The following DSCAM variants were observed in gnomAD, a reference collection of about 807,000 sequenced individuals.
DSCAM encodes cell adhesion molecule DSCAM.
A neutral mutation model predicts 217.7 loss-of-function variants in DSCAM; 47 were observed. The ratio of observed to expected loss-of-function variants is 0.22; its 90% CI spans 0.17 to 0.28. The LOEUF (loss-of-function observed/expected upper bound fraction) is 0.28, where lower values mean the gene tolerates loss of function less well. Ranked by LOEUF, DSCAM falls within the 10% of genes least tolerant of loss-of-function variation. The pLI is 1.00. For synonymous variants in DSCAM, 1,056 were observed against 1,015.3 expected (o/e 1.04, Z -0.76); for missense variants, 2,080 against 2,618.3 (o/e 0.79, Z 4.49).
intron 8 of DSCAM, among the ~76,000 whole-genome samples, chr21:40,327,120 A>G (rs2074326270): frequency 1.3e-5 from 2 of 152,038 alleles, no homozygotes. Context: ...GTTATTTCTG[A>G]CTTAAAATGT....
intron 32 of DSCAM, among the ~76,000 whole-genome samples, chr21:40,041,547 T>C (rs1286359782): frequency 2.0e-5 from 3 of 152,186 alleles, no homozygotes; most frequent in Non-Finnish European, 4.4e-5. Context: ...TCTTTTCTTT[T>C]AGACAGTAGT....
chr21:40,331,882 C>G (rs2074381303), intron 8 of DSCAM, among the ~76,000 whole-genome samples: 1 of 152,172 alleles, frequency 6.6e-6, no homozygotes. Context: ...GTGATTTTAA[C>G]TACCCTTCTC....
chr21:40,067,520 T>C (rs963067981), intron 27 of DSCAM, among the ~76,000 whole-genome samples: 1 of 152,240 alleles, frequency 6.6e-6, no homozygotes, highest in Non-Finnish European at 1.5e-5. Context: ...GCATTTATTC[T>C]GTCTGCATTA....
At chr21:40,418,367 T>A (rs891635829) in intron 3 of DSCAM, among the ~76,000 whole-genome samples, 1 of 152,224 alleles carries the variant, frequency 6.6e-6, no homozygotes, top group African/African-American at 2.4e-5. Context: ...CCAATAAGTT[T>A]TAATTGAAAT....
At chr21:40,145,899 G>A (rs1184680974) in intron 16 of DSCAM, among the ~76,000 whole-genome samples, 1 of 151,514 alleles carries the variant, frequency 6.6e-6, no homozygotes, top group African/African-American at 2.4e-5. Context: ...AGGGAATAAA[G>A]GTTTTGTAGA....
At chr21:40,390,487 G>A (rs951098554) in intron 3 of DSCAM, among the ~76,000 whole-genome samples, 7 of 152,152 alleles carry the variant, frequency 4.6e-5, no homozygotes, top group African/African-American at 1.7e-4. Context: ...TTCTGATGTG[G>A]CATCCACATT....
intron 3 of DSCAM, among the ~76,000 whole-genome samples, chr21:40,572,025 T>C (rs1175420493): frequency 6.6e-6 from 1 of 152,128 alleles, no homozygotes; most frequent in African/African-American, 2.4e-5. Context: ...AGATCTGAAA[T>C]CTAAAACATT....
chr21:40,685,143 G>C (rs1360707133), intron 3 of DSCAM, among the ~76,000 whole-genome samples: 1 of 152,190 alleles, frequency 6.6e-6, no homozygotes, highest in Non-Finnish European at 1.5e-5. Context: ...GCTTTCTCCA[G>C]CATTTCATGA....
intron 3 of DSCAM, among the ~76,000 whole-genome samples, chr21:40,619,757 G>A (rs552464076): frequency 6.6e-6 from 1 of 151,278 alleles, no homozygotes; most frequent in South Asian, 2.1e-4. Context: ...TGGAAAGATA[G>A]AATTTGAATT....
At chr21:40,269,468 G>T (rs1420802573) in intron 11 of DSCAM, among the ~76,000 whole-genome samples, 2 of 152,206 alleles carry the variant, frequency 1.3e-5, no homozygotes, top group Non-Finnish European at 2.9e-5. Context: ...GATCTGGCCT[G>T]TGGTGGGCTT....
At chr21:40,752,357 C>G (rs1206728597) in intron 1 of DSCAM, among the ~76,000 whole-genome samples, 2 of 152,116 alleles carry the variant, frequency 1.3e-5, no homozygotes. Flanking sequence ...CTCCCTCTGG[C>G]TTGGAATCCA....
intron 30 of DSCAM, among the ~76,000 whole-genome samples, chr21:40,048,763 G>A (rs146153835): frequency 1.8e-4 from 28 of 152,244 alleles, no homozygotes; most frequent in Admixed American, 2.6e-4. Flanking sequence ...GAGAAGAACC[G>A]GCTCCATGGA....
At chr21:40,195,515 C>T (rs1057214973) in intron 11 of DSCAM, among the ~76,000 whole-genome samples, 1 of 152,120 alleles carries the variant, frequency 6.6e-6, no homozygotes, top group Non-Finnish European at 1.5e-5. Flanking sequence ...TGACTCTGAT[C>T]GGTCCTATTT....
intron 32 of DSCAM, among the ~76,000 whole-genome samples, chr21:40,015,972 T>C (rs1170624667): frequency 6.6e-6 from 1 of 152,174 alleles, no homozygotes. Context: ...AAGGGGTATT[T>C]GTGCAGTACA....
intron 3 of DSCAM, among the ~76,000 whole-genome samples, chr21:40,609,284 C>CGTT (rs142730535): frequency 0.024 from 3,672 of 152,254 alleles, 113 homozygotes; most frequent in East Asian, 0.092. Context: ...ACGATTTTGC[C>CGTT]GTTGTTGTTT....
Position 40,416,710 on chromosome 21 carries a change from T to A in DSCAM, c.509-47465A>T, listed in dbSNP as rs1172692206. Among the ~76,000 whole-genome samples, 5 of 152,148 alleles carry A rather than the reference T, an allele frequency of 3.3e-5. No homozygotes were observed. In the South Asian group the frequency reaches 1.0e-3, roughly 32 times the overall value. ...TTATTAAACTAAAAGAAAATAAGGA[T>A]CCTATAATAAAAACTTTAATAAAAT... is the stretch of plus-strand genomic sequence containing the variant. On this transcript the variant is annotated intron_variant, in intron 3 of 32. Coordinates refer to ENST00000400454, the MANE Select transcript of DSCAM (RefSeq NM_001389.5).
chr21:40,036,381 C>A (rs1383207982), intron 32 of DSCAM, among the ~76,000 whole-genome samples: 1 of 147,768 alleles, frequency 6.8e-6, no homozygotes, highest in African/African-American at 2.6e-5. Flanking sequence ...GAGAATACTA[C>A]AAACACCTCT....
chr21:40,135,946 T>A lies in DSCAM; in HGVS notation c.3407-1937A>T, dbSNP rs73904705. On this transcript the variant is annotated intron_variant, in intron 18 of 32. Coordinates refer to ENST00000400454, the MANE Select transcript of DSCAM (RefSeq NM_001389.5). ...CAAGAAGAGGGGTAAAGGGGCTCCA[T>A]GTGGCTCCCACAGTCCAGGCCCCAG... Among the ~76,000 whole-genome samples, 1,427 of 152,350 alleles carry A rather than the reference T, an allele frequency of 9.4e-3. 21 individuals carry two copies. The highest frequency in any genetic ancestry group is 0.033 in the African/African-American group (1,370 of 41,578).
At chr21:40,807,793 CA>C (rs1451207006) in intron 1 of DSCAM, among the ~76,000 whole-genome samples, 1 of 152,012 alleles carries the variant, frequency 6.6e-6, no homozygotes, top group East Asian at 1.9e-4. Flanking sequence ...TGAAAAGGGC[CA>C]AAAGCCTGAA....
Sources: allele counts gnomAD v4.1 joint callset (sites outside exome capture counted in the v4.1 genomes callset), GRCh38; gene constraint gnomAD v4.1.1; transcripts MANE v1.5; gene names NCBI Gene and HGNC (gene_info 2026-07-23, HGNC 2026-07-21).